The following ZNF451 variants were observed in gnomAD, a reference collection of about 807,000 sequenced individuals.
ZNF451 encodes E3 SUMO-protein ligase ZNF451.
A neutral mutation model predicts 107.1 loss-of-function variants in ZNF451; 80 were observed. That is an observed-to-expected ratio of 0.75 (90% CI 0.62 to 0.90). The LOEUF is 0.90. Ranked by LOEUF, ZNF451 falls within the 40% of genes least tolerant of loss-of-function variation. The pLI, the probability that ZNF451 is intolerant of heterozygous loss-of-function variation, is 0.00. For synonymous variants in ZNF451, 362 were observed against 406.5 expected, an observed-to-expected ratio of 0.89 and a Z score of 1.32; for missense variants, 1,107 against 1,236.2, an observed-to-expected ratio of 0.90 and a Z score of 1.57.
Position 57,162,317 on chromosome 6 carries a change from G to A in ZNF451, c.3139+1165G>A, listed in dbSNP as rs140586759. Among the ~76,000 whole-genome samples, 182 of 152,238 alleles carry A rather than the reference G, an allele frequency of 1.2e-3. 1 individual carries two copies. The East Asian group carries it at 0.032, about 27-fold the overall frequency. ...GATAATACAACTAGTTTGACTAAGA[G>A]CATACTAGAACTTTATGCTATTAGG... On this transcript the variant is annotated intron_variant, in intron 14 of 14. Transcript: ENST00000370706.
At chr6:57,155,182 A>G (rs1417011563) in intron 13 of ZNF451, among the ~76,000 whole-genome samples, 2 of 150,918 alleles carry the variant, frequency 1.3e-5, no homozygotes, top group Non-Finnish European at 2.9e-5. Flanking sequence ...TTAAAACAAA[A>G]AACAAAAAAA....
intron 3 of ZNF451, among the ~76,000 whole-genome samples, chr6:57,114,526 CTTGA>C (rs1189980221): frequency 6.6e-6 from 1 of 152,036 alleles, no homozygotes; most frequent in African/African-American, 2.4e-5. Flanking sequence ...TTCCTTAATT[CTTGA>C]TTAATATGTT....
At chr6:57,109,837 A>T (rs943117276) in intron 3 of ZNF451, 3 of 535,724 alleles carry the variant, frequency 5.6e-6, no homozygotes, top group African/African-American at 4.1e-5. Flanking sequence ...GTATTTTGTT[A>T]TTTCATATCT....
At chr6:57,123,473 G>T (rs1830743416) in intron 3 of ZNF451, among the ~76,000 whole-genome samples, 1 of 152,142 alleles carries the variant, frequency 6.6e-6, no homozygotes, top group Non-Finnish European at 1.5e-5. Flanking sequence ...TTCACATGGA[G>T]AATAAGTTGG....
intron 14 of ZNF451, among the ~76,000 whole-genome samples, chr6:57,168,031 T>C (rs1453573994): frequency 6.6e-6 from 1 of 152,208 alleles, no homozygotes; most frequent in African/African-American, 2.4e-5. Flanking sequence ...CTGTGACATT[T>C]TGTCATTTCA....
chr6:57,157,833 A>C (rs1273787249), intron 13 of ZNF451, among the ~76,000 whole-genome samples: 2 of 152,220 alleles, frequency 1.3e-5, no homozygotes, highest in African/African-American at 2.4e-5. Context: ...TCAGAGATGC[A>C]GATATAACTT....
rs1468204976 is a variant in ZNF451 at position 57,141,936 on chromosome 6, T to G, written c.857-12T>G. On this transcript the variant is annotated splice_polypyrimidine_tract_variant and intron_variant, in intron 8 of 14. Coordinates refer to ENST00000370706, the MANE Select transcript of ZNF451 (RefSeq NM_001031623.3). ...AATAACTTTGCAAATTATAGTTTAT[T>G]TTGTCTTTCAGATAACAAAGGAATT... 1 of 1,610,378 alleles carries G rather than the reference T, an allele frequency of 6.2e-7. No homozygotes were observed. The highest frequency in any genetic ancestry group is 8.5e-7 in the Non-Finnish European group (1 of 1,177,530).
chr6:57,101,508 A>G (rs563971216), intron 3 of ZNF451: 1 of 1,551,064 alleles, frequency 6.4e-7, no homozygotes, highest in South Asian at 1.2e-5. Flanking sequence ...CATCCCCTCT[A>G]GATTCTACCT....
intron 3 of ZNF451, chr6:57,104,244 T>C: frequency 8.1e-6 from 8 of 985,396 alleles, no homozygotes; most frequent in Non-Finnish European, 9.6e-6. Context: ...TTTTTGTAGC[T>C]TATGTGTATT....
intron 6 of ZNF451, chr6:57,134,134 A>G (rs955656651): frequency 3.9e-5 from 6 of 152,256 alleles, no homozygotes; most frequent in Non-Finnish European, 8.8e-5. Flanking sequence ...GTCTCACCCT[A>G]CTTATGCCTT....
In ZNF451 at chr6:57,152,230, C is replaced by A. The variant is rs140191429; in HGVS notation, c.2762C>A (p.Thr921Asn). Residue 921 changes from threonine (T) to asparagine (N), a missense_variant, in exon 12 of 15, where the codon ACC becomes AAC. Around this residue, in one of 5 missense-constraint regions of ZNF451, gnomAD observed 151 missense variants for 173.3 expected, o/e 0.87. Coordinates refer to ENST00000370706, the MANE Select transcript of ZNF451 (RefSeq NM_001031623.3). The part of the protein sequence containing the change: ...TFIWGFQGGN[T>N]NWKPPLNCKI... ...TTTCTAAAATTAATAGGAGGAAACA[C>A]CAATTGGAAGCCTCCGCTCAACTGT... 5 of 1,609,286 alleles carry A rather than the reference C, an allele frequency of 3.1e-6. No homozygotes were observed. Among genetic ancestry groups the A allele is most frequent in the Non-Finnish European group, 4.2e-6 (5 of 1,178,164 alleles).
rs1436962304 is a variant in ZNF451, at chr6:57,170,023, T to G, written c.*1554T>G. The G allele has an allele frequency of 6.7e-6, 1 of 150,302 alleles. No homozygotes were observed. The highest frequency in any genetic ancestry group is 2.5e-5 in the African/African-American group (1 of 40,278). The allele number at this position is 150,302 out of a possible 1,614,324, so 9.3% of individuals were successfully genotyped here. A position where few individuals can be genotyped will look rare whatever the true frequency, so the allele number is the denominator to read the frequency against. On this transcript the variant is annotated 3_prime_UTR_variant, in exon 15 of 15. Coordinates refer to ENST00000370706, the MANE Select transcript of ZNF451 (RefSeq NM_001031623.3). The stretch of plus-strand genomic sequence containing the variant: ...AAAGGTGTGATGGACACTGATGCTC[T>G]ATTAAGAAGCTTTTGTGGTGTGTGT...
At position 57,147,788 on chromosome 6, in the gene ZNF451, G is replaced by A. The variant is rs914943929; in HGVS notation, c.1703G>A (p.Gly568Asp). ...RYFYEMDEVE[G>D]ETLPSSSTTL... ...TTTTATGAGATGGATGAGGTAGAAGGTGAAACTTTGCCATCATCCTCTACA... is the reference window on the plus strand; with the variant it reads ...TTTTATGAGATGGATGAGGTAGAAGATGAAACTTTGCCATCATCCTCTACA... The change falls in exon 10 of 15, where the codon GGT becomes GAT. Residue 568 changes from glycine to aspartate, a missense_variant. Gly to Asp is a moderately conservative substitution (Grantham distance 94). This residue lies in a region of ZNF451 where 608 missense variants were observed against 649.2 expected (regional missense o/e 0.94). Coordinates refer to ENST00000370706, the MANE Select transcript of ZNF451 (RefSeq NM_001031623.3). The A allele has an allele frequency of 4.3e-6, 7 of 1,613,870 alleles. No homozygotes were observed. Among genetic ancestry groups the A allele is most frequent in the Middle Eastern group, 1.6e-4 (1 of 6,062 alleles).
intron 9 of ZNF451, 92 bp from the exon 10 acceptor site, chr6:57,146,998 T>C: frequency 8.6e-7 from 1 of 1,164,794 alleles, no homozygotes; most frequent in Non-Finnish European, 1.2e-6. Flanking sequence ...ATTTATACGT[T>C]GGTTATTTTA....
At chr6:57,144,151 G>A (rs1013186072) in intron 9 of ZNF451, among the ~76,000 whole-genome samples, 1 of 150,478 alleles carries the variant, frequency 6.6e-6, no homozygotes, top group African/African-American at 2.5e-5. Flanking sequence ...ATTGATGGTT[G>A]CACATATCTT....
chr6:57,168,315 G>T, intron 14 of ZNF451, 108 bp from the exon 15 acceptor site: 2 of 745,140 alleles, frequency 2.7e-6, no homozygotes, highest in Non-Finnish European at 2.2e-6. Context: ...TTTCCATTTT[G>T]ATTTTACTTT....
At chr6:57,127,751 T>C (rs1830997163) in intron 4 of ZNF451, among the ~76,000 whole-genome samples, 1 of 152,208 alleles carries the variant, frequency 6.6e-6, no homozygotes, top group African/African-American at 2.4e-5. Flanking sequence ...AAATCTAAAG[T>C]CTTTTTAAAA....
At chr6:57,144,683 C>G (rs965459888) in intron 9 of ZNF451, among the ~76,000 whole-genome samples, 3 of 152,060 alleles carry the variant, frequency 2.0e-5, no homozygotes, top group Non-Finnish European at 4.4e-5. Flanking sequence ...AATCCTAACA[C>G]TTTGGGAGGC....
intron 14 of ZNF451, among the ~76,000 whole-genome samples, chr6:57,167,426 T>C (rs1763948184): frequency 6.6e-6 from 1 of 152,218 alleles, no homozygotes; most frequent in Admixed American, 6.5e-5. Context: ...TCCCCTTGTT[T>C]TTCTTTGGTA....
Sources: allele counts gnomAD v4.1 joint callset (sites outside exome capture counted in the v4.1 genomes callset), GRCh38; gene constraint gnomAD v4.1.1; regional missense constraint gnomAD v4.1.1; transcripts MANE v1.5; gene names NCBI Gene and HGNC (gene_info 2026-07-23, HGNC 2026-07-21).